MYO10: variants seen among roughly 807,000 people sequenced by gnomAD.
The protein encoded by MYO10 is unconventional myosin-X.
Under a neutral mutation model 257.3 loss-of-function variants are expected in MYO10, and 133 were observed. The ratio of observed to expected loss-of-function variants is 0.52; its 90% CI spans 0.45 to 0.60. The LOEUF is 0.60. MYO10 is among the 20% of genes least tolerant of loss of function. The pLI, the probability that MYO10 is intolerant of heterozygous loss-of-function variation, is 0.00. For missense variants in MYO10, 2,399 were observed against 2,635.7 expected, an observed-to-expected ratio of 0.91 and a Z score of 1.97; for synonymous variants, 1,104 against 1,028.6, an observed-to-expected ratio of 1.07 and a Z score of -1.40.
chr5:16,688,204 T>C (rs1032419655), intron 28 of MYO10, among the ~76,000 whole-genome samples: 40 of 152,160 alleles, frequency 2.6e-4, no homozygotes, highest in Non-Finnish European at 1.5e-4. Flanking sequence ...TAATTCCAGG[T>C]TTGCTTGTTT....
At chr5:16,760,329 C>T (rs1251251618) in intron 17 of MYO10, among the ~76,000 whole-genome samples, 2 of 148,900 alleles carry the variant, frequency 1.3e-5, no homozygotes, top group Admixed American at 6.7e-5. Flanking sequence ...GGCGTGGTGG[C>T]GGGCACCTGT....
chr5:16,702,291 G>C (rs1738116142), intron 24 of MYO10, among the ~76,000 whole-genome samples: 1 of 152,170 alleles, frequency 6.6e-6, no homozygotes, highest in Non-Finnish European at 1.5e-5. Context: ...GCTGTGGTGG[G>C]CCTAGCAAAC....
chr5:16,857,338 A>T (rs995092382), intron 2 of MYO10, among the ~76,000 whole-genome samples: 2 of 152,238 alleles, frequency 1.3e-5, no homozygotes, highest in Non-Finnish European at 2.9e-5. Context: ...CAGCAGTTGA[A>T]AAAGGTACTC....
At chr5:16,885,147 G>T (rs1744862177) in intron 1 of MYO10, among the ~76,000 whole-genome samples, 1 of 151,694 alleles carries the variant, frequency 6.6e-6, no homozygotes, top group South Asian at 2.1e-4. Flanking sequence ...CGACAGGTGG[G>T]CAGTGGTGCT....
In MYO10 at chr5:16,710,226, C is replaced by T. The variant is rs73051049; in HGVS notation, c.2169+682G>A. On this transcript the variant is annotated intron_variant, in intron 21 of 40. Transcript: ENST00000513610. ...TCACATTGCTGTCTTTCCCATGTGA[C>T]AAGTCATTGAAGGTGGGTGGGGAAT... is the stretch of plus-strand genomic sequence containing the variant. Among the ~76,000 whole-genome samples the T allele has an allele frequency of 8.9e-3, 1,349 of 152,208 alleles. 21 individuals carry two copies. Among genetic ancestry groups the T allele is most frequent in the African/African-American group, 0.031 (1,305 of 41,512 alleles).
chr5:16,756,294 C>T (rs979231129), intron 18 of MYO10, among the ~76,000 whole-genome samples: 2 of 152,040 alleles, frequency 1.3e-5, no homozygotes, highest in East Asian at 1.9e-4. Flanking sequence ...TCGAACTCCT[C>T]GACTCAAGCA....
chr5:16,763,051 T>A (rs1340227271), intron 14 of MYO10, among the ~76,000 whole-genome samples: 1 of 152,054 alleles, frequency 6.6e-6, no homozygotes. Flanking sequence ...AATGAGTGGT[T>A]AAAAGAAAAG....
At chr5:16,772,862 T>C (rs138498543) in intron 9 of MYO10, among the ~76,000 whole-genome samples, 12 of 152,092 alleles carry the variant, frequency 7.9e-5, no homozygotes, top group Non-Finnish European at 1.6e-4. Context: ...CTAAAGAAGA[T>C]AACCGTATAC....
intron 3 of MYO10, among the ~76,000 whole-genome samples, chr5:16,795,961 G>A (rs200800582): frequency 2.6e-5 from 4 of 151,976 alleles, no homozygotes; most frequent in Non-Finnish European, 4.4e-5. Flanking sequence ...GGGCCGAGGT[G>A]CGAGGATCTC....
chr5:16,869,956 AAAAGG>A (rs1235609161), intron 2 of MYO10, among the ~76,000 whole-genome samples: 3 of 150,880 alleles, frequency 2.0e-5, no homozygotes, highest in South Asian at 2.1e-4. Flanking sequence ...GGGAAAAAAG[AAAAGG>A]AAAGGAAGCA....
chr5:16,905,754 A>G (rs1357184637), intron 1 of MYO10, among the ~76,000 whole-genome samples: 1 of 152,222 alleles, frequency 6.6e-6, no homozygotes, highest in African/African-American at 2.4e-5. Flanking sequence ...CCCTGCCACC[A>G]GTAAAAGTAA....
At chr5:16,801,301 G>A (rs568167803) in intron 3 of MYO10, among the ~76,000 whole-genome samples, 8 of 152,210 alleles carry the variant, frequency 5.3e-5, no homozygotes, top group Middle Eastern at 3.4e-3. Flanking sequence ...TCCGCCTCCC[G>A]GGTTAAAGCA....
At chr5:16,698,425 A>G (rs1162879940) in intron 26 of MYO10, among the ~76,000 whole-genome samples, 1 of 152,154 alleles carries the variant, frequency 6.6e-6, no homozygotes, top group East Asian at 1.9e-4. Context: ...GTGTGCCTCA[A>G]GGCCCCTAAG....
chr5:16,935,298 T>G (rs886317838), intron 1 of MYO10, among the ~76,000 whole-genome samples: 1 of 152,160 alleles, frequency 6.6e-6, no homozygotes, highest in Non-Finnish European at 1.5e-5. Context: ...CCCTTGCCTC[T>G]CCTTCTCACA....
intron 3 of MYO10, among the ~76,000 whole-genome samples, chr5:16,802,047 G>A (rs924413246): frequency 2.0e-5 from 3 of 152,164 alleles, no homozygotes; most frequent in Non-Finnish European, 1.5e-5. Flanking sequence ...AACACTGTGC[G>A]AGTCCACTTG....
chr5:16,757,967 T>C (rs1164880356), intron 18 of MYO10, 151 bp downstream of exon 18: 22 of 656,326 alleles, frequency 3.4e-5, no homozygotes, highest in African/African-American at 5.5e-5. Context: ...TCTATTTTAT[T>C]TCTAAAGCAC....
At chr5:16,825,838 G>C (rs148458833) in intron 2 of MYO10, among the ~76,000 whole-genome samples, 1 of 152,124 alleles carries the variant, frequency 6.6e-6, no homozygotes, top group Admixed American at 6.5e-5. Flanking sequence ...AAGACAGCGA[G>C]ACCCTGTCTC....
In MYO10 at chr5:16,706,516, C is replaced by T. The variant is rs574111495; in HGVS notation, c.2170-1831G>A. Among the ~76,000 whole-genome samples, 8 of 152,238 alleles carry T rather than the reference C, an allele frequency of 5.3e-5. No individual in the cohort carries two copies. The South Asian group carries it at 1.5e-3, about 28-fold the overall frequency. On this transcript the variant is annotated intron_variant, in intron 21 of 40. Transcript: ENST00000513610. ...TGGTATTACATATCTTACTCTAATGCTTTTGCTCTTATGAGTGCTTAAAAG... is the reference window on the plus strand; with the variant it reads ...TGGTATTACATATCTTACTCTAATGTTTTTGCTCTTATGAGTGCTTAAAAG...
intron 2 of MYO10, among the ~76,000 whole-genome samples, chr5:16,866,034 C>T (rs2126750689): frequency 6.6e-6 from 1 of 151,354 alleles, no homozygotes. Flanking sequence ...CACACACACA[C>T]ACACACACAC....
Sources: allele counts gnomAD v4.1 joint callset (sites outside exome capture counted in the v4.1 genomes callset), GRCh38; gene constraint gnomAD v4.1.1; transcripts MANE v1.5; gene names NCBI Gene and HGNC (gene_info 2026-07-23, HGNC 2026-07-21).